ERC2: variants seen among roughly 807,000 people sequenced by gnomAD.
ERC2 encodes ERC protein 2.
Under a neutral mutation model 114.8 loss-of-function variants are expected in ERC2, and 42 were observed. The observed-to-expected ratio is 0.37, with a 90% CI of 0.29 to 0.47. The LOEUF (loss-of-function observed/expected upper bound fraction) is 0.47, where lower values mean the gene tolerates loss of function less well. ERC2 is among the 20% of genes least tolerant of loss of function. The probability of loss-of-function intolerance (pLI) is 0.99; values close to 1 mark genes in which losing one functional copy is unlikely to be tolerated. For missense variants in ERC2, 939 were observed against 1,150.7 expected (o/e 0.82, Z 2.66); for synonymous variants, 454 against 425.5 (o/e 1.07, Z -0.82).
In ERC2 at chr3:55,749,521, G is replaced by A. The variant is rs532128827; in HGVS notation, c.2565-14603C>T. ...AAAAGCACCAATCAGGAACTTTTCT[G>A]TCTCACAAGAGGATTGTAAAATGCA... On this transcript the variant is annotated intron_variant, in intron 14 of 17. Coordinates refer to ENST00000288221, the MANE Select transcript of ERC2 (RefSeq NM_015576.3). Among the ~76,000 whole-genome samples, 3 of 152,276 alleles carry A rather than the reference G, an allele frequency of 2.0e-5. No homozygotes were observed. The South Asian group carries it at 6.2e-4, about 32-fold the overall frequency.
chr3:55,972,391 T>G (rs1030916066), intron 12 of ERC2, among the ~76,000 whole-genome samples: 2 of 152,162 alleles, frequency 1.3e-5, no homozygotes, highest in Non-Finnish European at 2.9e-5. Context: ...AAGCCCCACA[T>G]GCATTAGATA....
intron 17 of ERC2, among the ~76,000 whole-genome samples, chr3:55,660,973 G>T (rs887489016): frequency 6.6e-6 from 1 of 152,154 alleles, no homozygotes; most frequent in African/African-American, 2.4e-5. Context: ...ATGCAAGCTG[G>T]TCTTCTTCAT....
At chr3:56,414,016 A>G (rs2061044931) in intron 2 of ERC2, among the ~76,000 whole-genome samples, 1 of 152,216 alleles carries the variant, frequency 6.6e-6, no homozygotes, top group Non-Finnish European at 1.5e-5. Context: ...TAGGAAAGGC[A>G]GGGTTGGGAT....
chr3:55,773,184 C>T (rs1050269829), intron 14 of ERC2, among the ~76,000 whole-genome samples: 2 of 152,212 alleles, frequency 1.3e-5, no homozygotes, highest in African/African-American at 4.8e-5. Flanking sequence ...TGTGACCTGG[C>T]TCCTAATTAC....
intron 2 of ERC2, among the ~76,000 whole-genome samples, chr3:56,401,388 AC>A (rs1275877217): frequency 1.3e-5 from 2 of 152,172 alleles, no homozygotes; most frequent in African/African-American, 4.8e-5. Flanking sequence ...CCACATGTAA[AC>A]ATATGGTCAT....
intron 4 of ERC2, among the ~76,000 whole-genome samples, chr3:56,165,424 C>T (rs2082271958): frequency 2.0e-5 from 3 of 151,170 alleles, no homozygotes; most frequent in South Asian, 2.1e-4. Context: ...CACCTATTAA[C>T]TCGTCATCTA....
At chr3:56,010,412 G>A in intron 9 of ERC2, 37 bp downstream of exon 9, 1 of 1,603,474 alleles carries the variant, frequency 6.2e-7, no homozygotes. Context: ...GGTTTATGAG[G>A]ACTATCAATG....
Position 55,724,138 on chromosome 3 carries a change from C to T in ERC2, c.2712+10633G>A, listed in dbSNP as rs114250178. ...AAAGGCTGCAGGAGGTAAGTGCCAA[C>T]ATTTCTTGCAAGAAAACCAAAATGA... is the stretch of plus-strand genomic sequence containing the variant. On this transcript the variant is annotated intron_variant, in intron 15 of 17. Transcript: ENST00000288221. 2.1e-3 allele frequency among the ~76,000 whole-genome samples: 326 copies of T among 152,312 alleles called. 1 individual carries two copies. The highest frequency in any genetic ancestry group is 7.7e-3 in the African/African-American group (319 of 41,580).
At chr3:55,810,612 T>C (rs2059684273) in intron 14 of ERC2, among the ~76,000 whole-genome samples, 1 of 152,046 alleles carries the variant, frequency 6.6e-6, no homozygotes, top group Non-Finnish European at 1.5e-5. Context: ...ACAGGCATGT[T>C]CCACCACACT....
intron 14 of ERC2, among the ~76,000 whole-genome samples, chr3:55,838,877 C>A (rs1478950435): frequency 6.6e-6 from 1 of 151,624 alleles, no homozygotes; most frequent in Non-Finnish European, 1.5e-5. Context: ...ACTACAAAAG[C>A]TCACTCAAAA....
In ERC2 at chr3:56,296,100, C is replaced by G; in HGVS notation, c.993G>C (p.Arg331=). The G allele has an allele frequency of 1.9e-6, 3 of 1,613,786 alleles. No individual in the cohort carries two copies. Among genetic ancestry groups the G allele is most frequent in the Admixed American group, 1.7e-5 (1 of 60,012 alleles). The change falls in exon 3 of 18, where the codon CGG becomes CGC. Residue 331 remains arginine (R), a synonymous_variant. Coordinates refer to ENST00000288221, the MANE Select transcript of ERC2 (RefSeq NM_015576.3). ...SLEDDNERTR[R]MAEAESQVSH... The stretch of plus-strand genomic sequence containing the variant: ...TGACCTGAGACTCAGCCTCTGCCAT[C>G]CGCCGCGTTCGCTCATTGTCATCCT...
chr3:55,806,435 C>G (rs1284925712), intron 14 of ERC2, among the ~76,000 whole-genome samples: 1 of 151,640 alleles, frequency 6.6e-6, no homozygotes, highest in Non-Finnish European at 1.5e-5. Flanking sequence ...AGTCACTGTC[C>G]AAAGGAAGGA....
intron 17 of ERC2, among the ~76,000 whole-genome samples, chr3:55,601,058 C>A (rs778904593): frequency 1.1e-4 from 16 of 152,182 alleles, no homozygotes; most frequent in Admixed American, 2.6e-4. Context: ...GGGGGTAACA[C>A]AAACGAAGGA....
intron 13 of ERC2, among the ~76,000 whole-genome samples, chr3:55,893,601 A>G (rs1360581116): frequency 6.6e-6 from 1 of 152,044 alleles, no homozygotes; most frequent in African/African-American, 2.4e-5. Flanking sequence ...CCACTCCCTA[A>G]CACATCCACC....
chr3:56,436,160 TACA>T (rs1224258193), intron 1 of ERC2, among the ~76,000 whole-genome samples: 1 of 152,184 alleles, frequency 6.6e-6, no homozygotes, highest in Non-Finnish European at 1.5e-5. Context: ...CCTTCAGCTT[TACA>T]ACAATAAAAG....
Position 55,972,690 on chromosome 3 carries a change from G to T in ERC2, c.2267+13287C>A, listed in dbSNP as rs139497498. 2.0e-5 allele frequency among the ~76,000 whole-genome samples: 3 copies of T among 152,254 alleles called. No individual in the cohort carries two copies. In the East Asian group the frequency reaches 5.8e-4, roughly 29 times the overall value. ...CGAGTATAACATTGATGGGCATTTG[G>T]GTTGGTTCCAAGTCTTTGCTATTGT... On this transcript the variant is annotated intron_variant, in intron 12 of 17. Coordinates refer to ENST00000288221, the MANE Select transcript of ERC2 (RefSeq NM_015576.3).
chr3:56,141,507 C>T (rs1388311286), intron 5 of ERC2, among the ~76,000 whole-genome samples: 1 of 152,162 alleles, frequency 6.6e-6, no homozygotes, highest in Non-Finnish European at 1.5e-5. Flanking sequence ...GGCCTGTGGT[C>T]ATGGTGGCCC....
At chr3:55,931,930 A>C (rs1403329435) in intron 13 of ERC2, among the ~76,000 whole-genome samples, 2 of 152,088 alleles carry the variant, frequency 1.3e-5, no homozygotes, top group Admixed American at 1.3e-4. Context: ...CTGTACTTAA[A>C]ATTTTTACTT....
chr3:55,895,703 C>T (rs780210073), intron 13 of ERC2, among the ~76,000 whole-genome samples: 4 of 152,180 alleles, frequency 2.6e-5, no homozygotes, highest in Non-Finnish European at 2.9e-5. Flanking sequence ...TCAATAAATA[C>T]CTATGCAATG....
Sources: allele counts gnomAD v4.1 joint callset (sites outside exome capture counted in the v4.1 genomes callset), GRCh38; gene constraint gnomAD v4.1.1; transcripts MANE v1.5; gene names NCBI Gene and HGNC (gene_info 2026-07-23, HGNC 2026-07-21).